PDPK1: variants seen among roughly 807,000 people sequenced by gnomAD.
PDPK1 encodes the protein 3-phosphoinositide-dependent protein kinase 1.
In PDPK1, 7 loss-of-function variants were observed where a neutral mutation model predicts 39.8. That is an observed-to-expected ratio of 0.18 (90% CI 0.10 to 0.33). The LOEUF is 0.33. PDPK1 is among the 10% of genes least tolerant of loss of function. The probability of loss-of-function intolerance (pLI) is 1.00; values close to 1 mark genes in which losing one functional copy is unlikely to be tolerated. For synonymous variants in PDPK1, 118 were observed against 159.1 expected (o/e 0.74, Z 1.95); for missense variants, 182 against 384.7 (o/e 0.47, Z 4.41).
intron 6 of PDPK1, among the ~76,000 whole-genome samples, chr16:2,573,951 C>T (rs1325613782): frequency 4.2e-4 from 12 of 28,322 alleles, no homozygotes; most frequent in Non-Finnish European, 6.3e-4. Flanking sequence ...CCCACCACCA[C>T]GCCCGGCTAA....
chr16:2,595,678 G>A (rs139080760), intron 11 of PDPK1, 115 bp from the exon 12 acceptor site: 1 of 796,784 alleles, frequency 1.3e-6, no homozygotes, highest in African/African-American at 1.7e-5. Flanking sequence ...CCAAAGTGAG[G>A]CTGGCTCTGT....
Position 2,597,883 on chromosome 16 carries a change from C to T in PDPK1, c.*116C>T, listed in dbSNP as rs975281933. On this transcript the variant is annotated 3_prime_UTR_variant, in exon 14 of 14. Coordinates refer to ENST00000342085, the MANE Select transcript of PDPK1 (RefSeq NM_002613.5). The surrounding 1 kb of genome is among the most constrained non-coding windows in gnomAD (Gnocchi z 6.3). ...AGCCATCACAAGGGGAACGCAGAGG[C>T]GGAAACCTTGCAGCATTTTTATTTA... 65 of 638,600 alleles carry T rather than the reference C, an allele frequency of 1.0e-4. No individual in the cohort carries two copies. Among genetic ancestry groups the T allele is most frequent in the South Asian group, 6.7e-4 (35 of 52,184 alleles). The allele number at this position is 638,600 out of a possible 1,614,324, so 39.6% of individuals were successfully genotyped here. A position where few individuals can be genotyped will look rare whatever the true frequency, so the allele number is the denominator to read the frequency against.
At chr16:2,596,910 C>A (rs925598055) in intron 12 of PDPK1, among the ~76,000 whole-genome samples, 1 of 152,128 alleles carries the variant, frequency 6.6e-6, no homozygotes, top group Admixed American at 6.5e-5. Context: ...GCTGTCTGCG[C>A]CATCTCAGCA....
At chr16:2,553,127 C>T (rs1741891051) in intron 1 of PDPK1, among the ~76,000 whole-genome samples, 1 of 140,862 alleles carries the variant, frequency 7.1e-6, no homozygotes, top group Non-Finnish European at 1.5e-5. Context: ...GAGGTGGGCA[C>T]TGGTGTTTTT....
In PDPK1 at chr16:2,593,352, G is replaced by GT; in HGVS notation, c.1344-2440dup. 1 of 337,650 alleles carries GT rather than the reference G, an allele frequency of 3.0e-6. No homozygotes were observed. The highest frequency in any genetic ancestry group is 4.5e-5 in the Admixed American group (1 of 22,034). The allele number at this position is 337,650 out of a possible 1,614,324, so 20.9% of individuals were successfully genotyped here. On this transcript the variant is annotated intron_variant, in intron 11 of 13. Coordinates refer to ENST00000342085, the MANE Select transcript of PDPK1 (RefSeq NM_002613.5). This position sits in a 1 kb window ranked among gnomAD's most constrained non-coding sequence, Gnocchi z 4.2. ...GTGCAGCTGATGGCCCATGGCGGCT[G>GT]TATCTGGAAGTCCTTTCCCGCCCCA...
At chr16:2,595,873 G>T (rs768597146) in intron 12 of PDPK1, 23 bp downstream of exon 12, 99 of 1,590,638 alleles carry the variant, frequency 6.2e-5, no homozygotes, top group Non-Finnish European at 8.4e-5. Flanking sequence ...TGGTCCCGCT[G>T]CTCCGCACGG....
intron 7 of PDPK1, among the ~76,000 whole-genome samples, chr16:2,577,863 C>T (rs534350025): frequency 5.5e-3 from 818 of 149,184 alleles, no homozygotes; most frequent in African/African-American, 0.02. Context: ...CTCAGCCTCC[C>T]GAGTAGCTGG....
intron 1 of PDPK1, among the ~76,000 whole-genome samples, chr16:2,542,101 A>G (rs1296174534): frequency 1.3e-5 from 2 of 152,210 alleles, no homozygotes; most frequent in Non-Finnish European, 2.9e-5. Flanking sequence ...AGAATGTGTT[A>G]AGATTGAGTT....
chr16:2,595,905 C>G, intron 12 of PDPK1, 55 bp downstream of exon 12: 1 of 1,365,028 alleles, frequency 7.3e-7, no homozygotes, highest in Non-Finnish European at 1.0e-6. Context: ...TTCCCCGACT[C>G]CAGCTTAGGG....
rs2066836595 is a variant in PDPK1 at position 2,585,009 on chromosome 16, C to G, written c.1125+1424C>G. ...GTTGCTGCAGAGGTTTTGCTCGCGA[C>G]TGGCTGGTGGCCGTTCTCCCGTGGG... On this transcript the variant is annotated intron_variant, in intron 10 of 13. Coordinates refer to ENST00000342085, the MANE Select transcript of PDPK1 (RefSeq NM_002613.5). Among the ~76,000 whole-genome samples, 3 of 152,218 alleles carry G rather than the reference C, an allele frequency of 2.0e-5. No homozygotes were observed. In the South Asian group the frequency reaches 6.2e-4, roughly 32 times the overall value.
At position 2,598,134 on chromosome 16, in the gene PDPK1, C is replaced by T. The variant is rs1047454531; in HGVS notation, c.*367C>T. 6.7e-5 allele frequency: 19 copies of T among 285,258 alleles called. No homozygotes were observed. Among genetic ancestry groups the T allele is most frequent in the Non-Finnish European group, 1.1e-4 (16 of 150,854 alleles). 17.7% of individuals were successfully genotyped at this position (285,258 alleles called of 1,614,324 possible). A position where few individuals can be genotyped will look rare whatever the true frequency, so the allele number is the denominator to read the frequency against. ...CTAGCATCAGTCCGAACCATGCGCC[C>T]GCCCTGCCCCAACTGTGTGCTGGTC... On this transcript the variant is annotated 3_prime_UTR_variant, in exon 14 of 14. Coordinates refer to ENST00000342085, the MANE Select transcript of PDPK1 (RefSeq NM_002613.5).
chr16:2,546,667 T>C (rs1450816598), intron 1 of PDPK1, among the ~76,000 whole-genome samples: 2 of 152,208 alleles, frequency 1.3e-5, no homozygotes, highest in African/African-American at 2.4e-5. Context: ...CTGCTTTTCC[T>C]TCCTGACAGC....
chr16:2,540,207 T>A (rs903517171), intron 1 of PDPK1, among the ~76,000 whole-genome samples: 13 of 152,168 alleles, frequency 8.5e-5, no homozygotes, highest in Non-Finnish European at 1.6e-4. Context: ...GAAGCCCCCT[T>A]CCCAGTGAAC....
Position 2,593,194 on chromosome 16 carries a change from A to C in PDPK1, c.1344-2599A>C. On this transcript the variant is annotated intron_variant, in intron 11 of 13. Coordinates refer to ENST00000342085, the MANE Select transcript of PDPK1 (RefSeq NM_002613.5). This position sits in a 1 kb window ranked among gnomAD's most constrained non-coding sequence, Gnocchi z 4.2. ...GATCAGGGTGGAGCGGCCCAGCTCA[A>C]TGTCTTCATTTAGGGCCATTGAGAG... 1 of 415,496 alleles carries C rather than the reference A, an allele frequency of 2.4e-6. No homozygotes were observed. The highest frequency in any genetic ancestry group is 4.7e-6 in the Non-Finnish European group (1 of 210,658). The allele number at this position is 415,496 out of a possible 1,614,324, so 25.7% of individuals were successfully genotyped here.
rs1219470477 is a variant in PDPK1 at position 2,597,045 on chromosome 16, G to T, written c.1402-78G>T. On this transcript the variant is annotated intron_variant, in intron 12 of 13. Transcript: ENST00000342085. The surrounding 1 kb of genome is among the most constrained non-coding windows in gnomAD (Gnocchi z 6.3). ...CCTGTGTCCTGAGCAGCTCCGAGGG[G>T]CCGCCCAGCCCTCTAGGCTCCAGGA... 1 of 1,236,732 alleles carries T rather than the reference G, an allele frequency of 8.1e-7. No homozygotes were observed. Among genetic ancestry groups the T allele is most frequent in the South Asian group, 1.7e-5 (1 of 58,204 alleles). The allele number at this position is 1,236,732 out of a possible 1,614,324, so 76.6% of individuals were successfully genotyped here. A position where few individuals can be genotyped will look rare whatever the true frequency, so the allele number is the denominator to read the frequency against.
At chr16:2,539,488 A>C (rs1213427464) in intron 1 of PDPK1, 2 of 152,110 alleles carry the variant, frequency 1.3e-5, no homozygotes, top group Non-Finnish European at 2.9e-5. Flanking sequence ...CTCTTCTGAG[A>C]AAAAGGCAGA....
intron 1 of PDPK1, among the ~76,000 whole-genome samples, chr16:2,552,325 A>G (rs1396672915): frequency 6.6e-6 from 1 of 150,888 alleles, no homozygotes; most frequent in Non-Finnish European, 1.5e-5. Flanking sequence ...CAGACAAGTT[A>G]AAGAAATTGA....
chr16:2,597,927 A>C lies in PDPK1; in HGVS notation c.*160A>C, dbSNP rs563682651. ...TTATTTAAAAGAAAAGAAGAAAAAAAACACCCAACCACACAAAGAACAAAA... is the reference window on the plus strand; with the variant it reads ...TTATTTAAAAGAAAAGAAGAAAAAACACACCCAACCACACAAAGAACAAAA... On this transcript the variant is annotated 3_prime_UTR_variant, in exon 14 of 14. Transcript: ENST00000342085. The surrounding 1 kb of genome is among the most constrained non-coding windows in gnomAD (Gnocchi z 6.3). 4 of 593,344 alleles carry C rather than the reference A, an allele frequency of 6.7e-6. No individual in the cohort carries two copies. Among genetic ancestry groups the C allele is most frequent in the Non-Finnish European group, 9.0e-6 (3 of 334,400 alleles). 36.8% of individuals were successfully genotyped at this position (593,344 alleles called of 1,614,324 possible).
chr16:2,589,260 A>G (rs1363725381), intron 11 of PDPK1, among the ~76,000 whole-genome samples: 1 of 152,126 alleles, frequency 6.6e-6, no homozygotes, highest in Non-Finnish European at 1.5e-5. Flanking sequence ...CAGCCAATGT[A>G]TGCATTTTTT....
Sources: gnomAD v4.1 joint callset for allele counts (sites outside exome capture counted in the v4.1 genomes callset) on GRCh38, gnomAD v4.1.1 for gene constraint, Gnocchi (gnomAD v3.1) non-coding constraint, MANE v1.5 for transcripts, NCBI Gene and HGNC (gene_info 2026-07-23, HGNC 2026-07-21) for gene names.